The following MTA3 variants were observed in gnomAD, a reference collection of about 807,000 sequenced individuals.
MTA3 encodes metastasis associated 1 family member 3.
MTA3 carries 34 observed loss-of-function variants against 83.5 expected under a neutral mutation model. The ratio of observed to expected loss-of-function variants is 0.41; its 90% CI spans 0.31 to 0.54. MTA3 has a LOEUF of 0.54. Among genes scored for constraint, MTA3 ranks in the 20% least tolerant of loss-of-function variants. MTA3 has a pLI of 0.33. For synonymous variants in MTA3, 303 were observed against 252.7 expected (o/e 1.20, Z -1.89); for missense variants, 761 against 726.4 (o/e 1.05, Z -0.55).
At chr2:42,712,163 G>T (rs1326594679) in intron 14 of MTA3, among the ~76,000 whole-genome samples, 1 of 151,728 alleles carries the variant, frequency 6.6e-6, no homozygotes, top group Non-Finnish European at 1.5e-5. Flanking sequence ...AAAGCAAATA[G>T]TAAAAACAAA....
chr2:42,667,544 G>T (rs1284002649), intron 8 of MTA3, among the ~76,000 whole-genome samples: 1 of 115,686 alleles, frequency 8.6e-6, no homozygotes. Context: ...GTTGTACCAT[G>T]TGTCAGAATT....
At chr2:42,666,518 A>G (rs2104392791) in intron 8 of MTA3, among the ~76,000 whole-genome samples, 3 of 152,190 alleles carry the variant, frequency 2.0e-5, no homozygotes, top group African/African-American at 7.2e-5. Context: ...TTGCCACAGG[A>G]CTTGCATGTT....
rs1670160655 is a variant in MTA3 at position 42,755,244 on chromosome 2, C to G, written c.*1845C>G. On this transcript the variant is annotated 3_prime_UTR_variant, in exon 17 of 17. Transcript: ENST00000405094. ...TGGACCCAGAAGGGGAAATGATTCC[C>G]TCACCCTTTCACTTTCTCTCTGAAC... 1 of 985,352 alleles carries G rather than the reference C, an allele frequency of 1.0e-6. No homozygotes were observed. The highest frequency in any genetic ancestry group is 1.7e-5 in the African/African-American group (1 of 57,236). 61.0% of individuals were successfully genotyped at this position (985,352 alleles called of 1,614,324 possible).
At chr2:42,619,337 A>G (rs1685271400) in intron 4 of MTA3, among the ~76,000 whole-genome samples, 1 of 152,202 alleles carries the variant, frequency 6.6e-6, no homozygotes, top group Non-Finnish European at 1.5e-5. Context: ...GATATTCTCA[A>G]GTATATTCAT....
chr2:42,673,709 T>A (rs1308579010), intron 8 of MTA3, among the ~76,000 whole-genome samples: 1 of 152,156 alleles, frequency 6.6e-6, no homozygotes, highest in Non-Finnish European at 1.5e-5. Context: ...AATGAAGGCC[T>A]CAGCTGACTC....
chr2:42,709,010 G>A lies in MTA3; in HGVS notation c.1439G>A (p.Arg480His), dbSNP rs747544531. 12 of 1,613,860 alleles carry A rather than the reference G, an allele frequency of 7.4e-6. No homozygotes were observed. Among genetic ancestry groups the A allele is most frequent in the South Asian group, 3.3e-5 (3 of 91,092 alleles). The change falls in exon 14 of 17, where the codon CGT (arginine) becomes CAT (histidine). Residue 480 changes from arginine to histidine, a missense_variant. Arg to His is a conservative substitution (Grantham distance 29). Transcript: ENST00000405094. ...ACTACATATTTCACAAAATTTGCTC[G>A]TCAGGTCTGCAAAAATACCCTCCGG... ...LHTTYFTKFARQVCKNTLRLR... is the reference protein window; with the variant it reads ...LHTTYFTKFAHQVCKNTLRLR...
chr2:42,609,786 T>C (rs1683957597), intron 4 of MTA3, among the ~76,000 whole-genome samples: 1 of 152,164 alleles, frequency 6.6e-6, no homozygotes, highest in African/African-American at 2.4e-5. Context: ...AAAGTAACCA[T>C]TTTAACTTTG....
intron 14 of MTA3, among the ~76,000 whole-genome samples, chr2:42,710,966 C>G (rs1666556351): frequency 6.6e-6 from 1 of 152,070 alleles, no homozygotes; most frequent in Non-Finnish European, 1.5e-5. Flanking sequence ...GTAATCCCAG[C>G]TGCTTGGAAG....
At chr2:42,606,080 CT>C (rs1451986081) in intron 3 of MTA3, among the ~76,000 whole-genome samples, 2 of 124,460 alleles carry the variant, frequency 1.6e-5, no homozygotes, top group African/African-American at 3.1e-5. Context: ...CTGACCCCCC[CT>C]CTCCCTCCCG....
intron 16 of MTA3, among the ~76,000 whole-genome samples, chr2:42,745,916 C>T (rs546523949): frequency 2.4e-4 from 36 of 147,204 alleles, no homozygotes; most frequent in Admixed American, 1.7e-3. Context: ...CTGGTTCAAG[C>T]GATTCTCCTG....
intron 2 of MTA3, among the ~76,000 whole-genome samples, chr2:42,524,306 T>A (rs924086155): frequency 3.4e-5 from 5 of 145,078 alleles, no homozygotes; most frequent in South Asian, 2.2e-4. Context: ...TTATTATTAT[T>A]TTTTTTTTTT....
chr2:42,602,343 C>T (rs1315463673), intron 3 of MTA3, among the ~76,000 whole-genome samples: 1 of 152,136 alleles, frequency 6.6e-6, no homozygotes, highest in African/African-American at 2.4e-5. Context: ...GCAAATAAAG[C>T]TCCTATGAAC....
chr2:42,571,163 A>T (rs937160427), intron 2 of MTA3, among the ~76,000 whole-genome samples: 1 of 151,204 alleles, frequency 6.6e-6, no homozygotes, highest in Non-Finnish European at 1.5e-5. Context: ...GAGGCCAAGG[A>T]GGGGGTGGAT....
At chr2:42,594,978 C>A (rs567387367) in intron 3 of MTA3, among the ~76,000 whole-genome samples, 1 of 148,384 alleles carries the variant, frequency 6.7e-6, no homozygotes, top group Admixed American at 7.0e-5. Flanking sequence ...TGGTCTTGAT[C>A]TCCTGACCTC....
chr2:42,697,740 T>A, intron 10 of MTA3, 36 bp from the exon 11 acceptor site: 4 of 1,381,450 alleles, frequency 2.9e-6, no homozygotes, highest in Non-Finnish European at 3.0e-6. Flanking sequence ...TAATTAGGCA[T>A]TGCATGTAAA....
At chr2:42,577,426 A>G (rs907148747) in intron 2 of MTA3, among the ~76,000 whole-genome samples, 5 of 151,512 alleles carry the variant, frequency 3.3e-5, no homozygotes, top group Non-Finnish European at 5.9e-5. Flanking sequence ...TAGCATCCCT[A>G]TTGGAGGAAC....
chr2:42,589,847 T>A lies in MTA3; in HGVS notation c.190+10647T>A, dbSNP rs192066164. Reference sequence around the variant, plus strand: ...GGCTTCTCAGAGACCTGTATTGTATTTCTCTTTTGTCACCAATGGTCCCTT... The same window carrying A: ...GGCTTCTCAGAGACCTGTATTGTATATCTCTTTTGTCACCAATGGTCCCTT... On this transcript the variant is annotated intron_variant, in intron 3 of 16. Coordinates refer to ENST00000405094, the MANE Select transcript of MTA3 (RefSeq NM_001330442.2). Among the ~76,000 whole-genome samples, 17 of 152,324 alleles carry A rather than the reference T, an allele frequency of 1.1e-4. No homozygotes were observed. The South Asian group carries it at 1.7e-3, about 15-fold the overall frequency.
chr2:42,648,161 CTA>C (rs1363187244), intron 6 of MTA3, among the ~76,000 whole-genome samples: 1 of 152,104 alleles, frequency 6.6e-6, no homozygotes, highest in Non-Finnish European at 1.5e-5. Context: ...TTTCTAATGA[CTA>C]TTTTTTTAGG....
intron 2 of MTA3, among the ~76,000 whole-genome samples, chr2:42,530,499 A>C (rs1308696061): frequency 6.6e-6 from 1 of 151,378 alleles, no homozygotes; most frequent in Non-Finnish European, 1.5e-5. Flanking sequence ...AGGAAAAAAA[A>C]AAGGGCTGGG....
Sources: allele counts gnomAD v4.1 joint callset (sites outside exome capture counted in the v4.1 genomes callset), GRCh38; gene constraint gnomAD v4.1.1; transcripts MANE v1.5; gene names NCBI Gene and HGNC (gene_info 2026-07-23, HGNC 2026-07-21).